The following LPP variants were observed in gnomAD, a reference collection of about 807,000 sequenced individuals.
The protein encoded by LPP is lipoma-preferred partner.
LPP carries 38 observed loss-of-function variants against 60.4 expected under a neutral mutation model. The ratio of observed to expected loss-of-function variants is 0.63; its 90% CI spans 0.49 to 0.83. LPP has a LOEUF of 0.83. Ranked by LOEUF, LPP falls within the 40% of genes least tolerant of loss-of-function variation. The probability of loss-of-function intolerance (pLI) is 0.00; values close to 1 mark genes in which losing one functional copy is unlikely to be tolerated. For missense variants in LPP, 902 were observed against 783.6 expected (o/e 1.15, Z -1.80); for synonymous variants, 328 against 290.8 (o/e 1.13, Z -1.30).
chr3:188,172,625 G>T (rs1308235394), intron 1 of LPP, among the ~76,000 whole-genome samples: 1 of 152,090 alleles, frequency 6.6e-6, no homozygotes, highest in Non-Finnish European at 1.5e-5. Flanking sequence ...TGATAGAAAA[G>T]TAAAAATTGT....
At chr3:188,181,403 T>C (rs1024911266) in intron 1 of LPP, among the ~76,000 whole-genome samples, 2 of 151,918 alleles carry the variant, frequency 1.3e-5, no homozygotes, top group Admixed American at 1.3e-4. Context: ...TGCAGTCATT[T>C]GCAACAGCCA....
chr3:188,320,933 T>A (rs1464259970), intron 2 of LPP, among the ~76,000 whole-genome samples: 1 of 152,220 alleles, frequency 6.6e-6, no homozygotes, highest in Non-Finnish European at 1.5e-5. Context: ...AGAAAAGGTA[T>A]CCCAGTGGCC....
At chr3:188,521,532 A>G (rs531248992) in intron 5 of LPP, among the ~76,000 whole-genome samples, 36 of 152,206 alleles carry the variant, frequency 2.4e-4, no homozygotes, top group Non-Finnish European at 4.1e-4. Context: ...CTCTTTACTA[A>G]TACCCCAAGG....
At chr3:188,288,841 C>T (rs1189639730) in intron 2 of LPP, among the ~76,000 whole-genome samples, 1 of 134,922 alleles carries the variant, frequency 7.4e-6, no homozygotes, top group African/African-American at 2.7e-5. Flanking sequence ...ACCCCCCCGC[C>T]CCTCTAGCTA....
chr3:188,791,442 T>C (rs1254131816), intron 9 of LPP, among the ~76,000 whole-genome samples: 3 of 152,224 alleles, frequency 2.0e-5, no homozygotes, highest in Non-Finnish European at 4.4e-5. Flanking sequence ...TCTGTTTCTC[T>C]TGTTTATGCG....
chr3:188,189,186 A>G (rs1296023045), intron 1 of LPP, among the ~76,000 whole-genome samples: 1 of 152,220 alleles, frequency 6.6e-6, no homozygotes, highest in African/African-American at 2.4e-5. Context: ...CCTCAGGCTC[A>G]GTTTGTCTTC....
At chr3:188,286,479 C>T (rs2149989716) in intron 2 of LPP, among the ~76,000 whole-genome samples, 1 of 152,266 alleles carries the variant, frequency 6.6e-6, no homozygotes, top group East Asian at 1.9e-4. Flanking sequence ...TCCTCTATTT[C>T]CTAATTCATG....
At chr3:188,155,278 G>A (rs950279471) in intron 1 of LPP, among the ~76,000 whole-genome samples, 3 of 152,048 alleles carry the variant, frequency 2.0e-5, no homozygotes, top group Non-Finnish European at 4.4e-5. Context: ...AACAACTAGC[G>A]AGAACTCAGG....
At chr3:188,353,219 CCCTT>C (rs1475171386) in intron 3 of LPP, among the ~76,000 whole-genome samples, 1 of 152,154 alleles carries the variant, frequency 6.6e-6, no homozygotes, top group Non-Finnish European at 1.5e-5. Flanking sequence ...GGGCCTTTCT[CCCTT>C]CCACTTTTTA....
chr3:188,850,882 C>A (rs914844823), intron 9 of LPP, among the ~76,000 whole-genome samples: 67 of 152,198 alleles, frequency 4.4e-4, no homozygotes, highest in Middle Eastern at 6.8e-3. Context: ...ACAGAAATTT[C>A]TCATAAGGAA....
intron 1 of LPP, among the ~76,000 whole-genome samples, chr3:188,184,240 T>C (rs1302631227): frequency 2.0e-5 from 3 of 152,220 alleles, no homozygotes; most frequent in Non-Finnish European, 4.4e-5. Flanking sequence ...TTGCACGGAC[T>C]ACTTCCAGCA....
rs181527008 is a variant in LPP at position 188,617,264 on chromosome 3, G to C, written c.1113+7420G>C. Reference sequence around the variant, plus strand: ...TACATTTACAGATGAGAAAACTGAGGCCTGAAGAGTTACAGTGACTTTCAG... The same window carrying C: ...TACATTTACAGATGAGAAAACTGAGCCCTGAAGAGTTACAGTGACTTTCAG... On this transcript the variant is annotated intron_variant, in intron 7 of 11. Coordinates refer to ENST00000617246, the MANE Select transcript of LPP (RefSeq NM_001375462.1). Among the ~76,000 whole-genome samples, 377 of 152,242 alleles carry C rather than the reference G, an allele frequency of 2.5e-3. 1 individual carries two copies. Among genetic ancestry groups the C allele is most frequent in the Non-Finnish European group, 4.3e-3 (294 of 68,012 alleles).
At chr3:188,456,874 T>C (rs1487405356) in intron 4 of LPP, among the ~76,000 whole-genome samples, 1 of 152,174 alleles carries the variant, frequency 6.6e-6, no homozygotes, top group Non-Finnish European at 1.5e-5. Context: ...GACAGTCACT[T>C]AGTTCCTGAG....
At chr3:188,626,887 T>C (rs977891002) in intron 7 of LPP, among the ~76,000 whole-genome samples, 5 of 152,140 alleles carry the variant, frequency 3.3e-5, no homozygotes, top group African/African-American at 7.2e-5. Context: ...CAACATGTTA[T>C]AAATTAATAA....
At chr3:188,872,129 T>C (rs374314164) in intron 10 of LPP, among the ~76,000 whole-genome samples, 3 of 152,326 alleles carry the variant, frequency 2.0e-5, no homozygotes, top group African/African-American at 7.2e-5. Flanking sequence ...TTTGAAAAGC[T>C]ATGTATTTGA....
At chr3:188,251,673 G>C (rs577468447) in intron 2 of LPP, among the ~76,000 whole-genome samples, 1 of 151,962 alleles carries the variant, frequency 6.6e-6, no homozygotes, top group Non-Finnish European at 1.5e-5. Flanking sequence ...TGCTTATGGT[G>C]CTCCTCCTTC....
At chr3:188,553,073 T>C (rs1278766540) in intron 6 of LPP, among the ~76,000 whole-genome samples, 1 of 152,186 alleles carries the variant, frequency 6.6e-6, no homozygotes, top group Non-Finnish European at 1.5e-5. Context: ...AGAGAGCTAT[T>C]CAATTCTACC....
chr3:188,289,652 G>A (rs976153589), intron 2 of LPP, among the ~76,000 whole-genome samples: 4 of 151,948 alleles, frequency 2.6e-5, no homozygotes, highest in Non-Finnish European at 5.9e-5. Context: ...TTTTTTTCAT[G>A]GTACCACTTG....
At chr3:188,809,052 T>A (rs1750064781) in intron 9 of LPP, among the ~76,000 whole-genome samples, 1 of 152,236 alleles carries the variant, frequency 6.6e-6, no homozygotes, top group African/African-American at 2.4e-5. Context: ...ATGGTGTACA[T>A]GTACCACATT....
Sources: allele counts gnomAD v4.1 joint callset (sites outside exome capture counted in the v4.1 genomes callset), GRCh38; gene constraint gnomAD v4.1.1; transcripts MANE v1.5; gene names NCBI Gene and HGNC (gene_info 2026-07-23, HGNC 2026-07-21).